The following IL1RAP variants were observed in gnomAD, a reference collection of about 807,000 sequenced individuals.
IL1RAP encodes the protein interleukin-1 receptor accessory protein.
IL1RAP carries 35 observed loss-of-function variants against 60.7 expected under a neutral mutation model. The ratio of observed to expected loss-of-function variants is 0.58; its 90% CI spans 0.44 to 0.76. The LOEUF is 0.76. Ranked by LOEUF, IL1RAP falls within the 30% of genes least tolerant of loss-of-function variation. IL1RAP has a pLI of 0.00. For synonymous variants in IL1RAP, 268 were observed against 250.9 expected (o/e 1.07, Z -0.64); for missense variants, 572 against 693.9 (o/e 0.82, Z 1.97).
At chr3:190,624,990 G>A in intron 7 of IL1RAP, 1 of 166,776 alleles carries the variant, frequency 6.0e-6, no homozygotes, top group Non-Finnish European at 1.4e-5. Flanking sequence ...CACTGCAGCG[G>A]GGTCCTCGTG....
intron 1 of IL1RAP, among the ~76,000 whole-genome samples, chr3:190,522,291 T>TTCCC (rs1402530151): frequency 2.0e-5 from 1 of 50,270 alleles, no homozygotes; most frequent in East Asian, 7.4e-4. Context: ...CTTCCTTTGC[T>TTCCC]TCCTTCCTTC....
At chr3:190,555,093 A>G (rs1725288543) in intron 1 of IL1RAP, among the ~76,000 whole-genome samples, 1 of 152,200 alleles carries the variant, frequency 6.6e-6, no homozygotes. Flanking sequence ...AATGTCGTTA[A>G]GTGAAATTTA....
intron 1 of IL1RAP, chr3:190,517,879 G>A (rs552933911): frequency 6.6e-6 from 1 of 152,110 alleles, no homozygotes; most frequent in Non-Finnish European, 1.5e-5. Context: ...ACAGATGTAG[G>A]ATCTGGTGAG....
intron 3 of IL1RAP, among the ~76,000 whole-genome samples, chr3:190,598,721 A>G (rs546493652): frequency 6.6e-6 from 1 of 152,140 alleles, no homozygotes; most frequent in Non-Finnish European, 1.5e-5. Flanking sequence ...TTGCTAACCT[A>G]TTTGTATACA....
At chr3:190,547,823 TG>T (rs1400977051) in intron 1 of IL1RAP, among the ~76,000 whole-genome samples, 1 of 152,200 alleles carries the variant, frequency 6.6e-6, no homozygotes, top group East Asian at 1.9e-4. Flanking sequence ...ATGTGGCCAA[TG>T]TTATAGCACT....
chr3:190,621,309 A>G (rs1213005130), intron 6 of IL1RAP, among the ~76,000 whole-genome samples: 2 of 152,214 alleles, frequency 1.3e-5, no homozygotes, highest in Non-Finnish European at 2.9e-5. Flanking sequence ...ATGATTTAGT[A>G]TAAGTTAGCT....
chr3:190,548,301 T>C (rs570504871), intron 1 of IL1RAP, among the ~76,000 whole-genome samples: 1 of 152,200 alleles, frequency 6.6e-6, no homozygotes, highest in Non-Finnish European at 1.5e-5. Context: ...TATCAATGTC[T>C]CATATTTGTA....
At chr3:190,599,886 T>G (rs1426479571) in intron 3 of IL1RAP, among the ~76,000 whole-genome samples, 1 of 152,126 alleles carries the variant, frequency 6.6e-6, no homozygotes, top group East Asian at 1.9e-4. Flanking sequence ...TTTAGTGGGC[T>G]TTTGTTCTCT....
In IL1RAP at chr3:190,623,434, C is replaced by T. The variant is rs781114781; in HGVS notation, c.775+19C>T. On this transcript the variant is annotated intron_variant, in intron 7 of 11. Transcript: ENST00000447382. Reference sequence around the variant, plus strand: ...GAACCAGGTAATTACAGCTATGTCTCTGAATTTCACTTAGATTCTCTTAAT... The same window carrying T: ...GAACCAGGTAATTACAGCTATGTCTTTGAATTTCACTTAGATTCTCTTAAT... The T allele has an allele frequency of 2.6e-6, 4 of 1,526,692 alleles. No homozygotes were observed. The highest frequency in any genetic ancestry group is 2.7e-6 in the Non-Finnish European group (3 of 1,101,376). 94.6% of individuals were successfully genotyped at this position (1,526,692 alleles called of 1,614,324 possible).
rs912532541 is a variant in IL1RAP, at chr3:190,649,557, G to A, written c.*852G>A. ...GAGGTAACAGAAAGACTCTTTTAGG[G>A]CATTTTTCTGACTCATGAAAAGAGC... On this transcript the variant is annotated 3_prime_UTR_variant, in exon 12 of 12. Coordinates refer to ENST00000447382, the MANE Select transcript of IL1RAP (RefSeq NM_002182.4). 9 of 985,742 alleles carry A rather than the reference G, an allele frequency of 9.1e-6. No individual in the cohort carries two copies. The East Asian group carries it at 7.9e-4, about 87-fold the overall frequency. The allele number at this position is 985,742 out of a possible 1,614,324, so 61.1% of individuals were successfully genotyped here.
chr3:190,622,225 CA>C (rs1406051548), intron 6 of IL1RAP, among the ~76,000 whole-genome samples: 2 of 152,196 alleles, frequency 1.3e-5, no homozygotes, highest in Non-Finnish European at 2.9e-5. Context: ...CTTTGCTAAG[CA>C]ATCCGACCTT....
intron 1 of IL1RAP, among the ~76,000 whole-genome samples, chr3:190,543,891 C>T (rs889671068): frequency 2.0e-5 from 3 of 152,156 alleles, no homozygotes; most frequent in Admixed American, 6.6e-5. Flanking sequence ...TGTCATCAGT[C>T]GGCCTTTACA....
Position 190,629,512 on chromosome 3 carries a change from T to A in IL1RAP, c.1051+14T>A, listed in dbSNP as rs776746299. On this transcript the variant is annotated intron_variant, in intron 9 of 11. Transcript: ENST00000447382. ...TGAAGCAGAAAGGTAATAGATGCGG[T>A]CAGTGATGAATCTCTCAGCTCCAAA... 2.6e-5 allele frequency: 42 copies of A among 1,601,404 alleles called. No individual in the cohort carries two copies. The highest frequency in any genetic ancestry group is 3.4e-5 in the Non-Finnish European group (40 of 1,174,782).
intron 1 of IL1RAP, among the ~76,000 whole-genome samples, chr3:190,535,039 C>A (rs1723327171): frequency 6.6e-6 from 1 of 151,924 alleles, no homozygotes; most frequent in Non-Finnish European, 1.5e-5. Context: ...ATATAGGAAT[C>A]TTAGTCTGTA....
At chr3:190,562,131 A>C (rs895936940) in intron 2 of IL1RAP, among the ~76,000 whole-genome samples, 1 of 152,076 alleles carries the variant, frequency 6.6e-6, no homozygotes, top group African/African-American at 2.4e-5. Context: ...TTTATATACT[A>C]TTTTCCATTT....
At chr3:190,533,148 C>T (rs2108541349) in intron 1 of IL1RAP, among the ~76,000 whole-genome samples, 1 of 152,282 alleles carries the variant, frequency 6.6e-6, no homozygotes, top group East Asian at 1.9e-4. Flanking sequence ...GAACCGTAGG[C>T]CCAACATGGC....
At chr3:190,603,112 T>G (rs780312008) in intron 3 of IL1RAP, among the ~76,000 whole-genome samples, 6 of 152,144 alleles carry the variant, frequency 3.9e-5, no homozygotes, top group Non-Finnish European at 8.8e-5. Flanking sequence ...ACAAGGACAG[T>G]GCAGATTGGA....
At chr3:190,598,275 T>C (rs1729555085) in intron 3 of IL1RAP, among the ~76,000 whole-genome samples, 1 of 152,192 alleles carries the variant, frequency 6.6e-6, no homozygotes, top group Non-Finnish European at 1.5e-5. Context: ...CAACAAACAG[T>C]ATAATGAAAT....
intron 9 of IL1RAP, among the ~76,000 whole-genome samples, chr3:190,634,304 T>C (rs1324666703): frequency 6.6e-6 from 1 of 151,450 alleles, no homozygotes; most frequent in African/African-American, 2.4e-5. Flanking sequence ...TTTTTTTTTT[T>C]TGAGACAGAG....
Sources: allele counts gnomAD v4.1 joint callset (sites outside exome capture counted in the v4.1 genomes callset), GRCh38; gene constraint gnomAD v4.1.1; transcripts MANE v1.5; gene names NCBI Gene and HGNC (gene_info 2026-07-23, HGNC 2026-07-21).